The following RALGDS variants were observed in gnomAD, a reference collection of about 807,000 sequenced individuals.
RALGDS encodes ral guanine nucleotide exchange factor.
In RALGDS, 44 loss-of-function variants were observed where a neutral mutation model predicts 99.8. That is an observed-to-expected ratio of 0.44 (90% CI 0.35 to 0.57). The LOEUF is 0.57. Ranked by LOEUF, RALGDS falls within the 20% of genes least tolerant of loss-of-function variation. The probability of loss-of-function intolerance (pLI) is 0.01; values close to 1 mark genes in which losing one functional copy is unlikely to be tolerated. For missense variants in RALGDS, 1,022 were observed against 1,203.1 expected (o/e 0.85, Z 2.23); for synonymous variants, 529 against 505.0 (o/e 1.05, Z -0.64).
At chr9:133,118,834 C>T (rs1831753005) in intron 1 of RALGDS, among the ~76,000 whole-genome samples, 1 of 152,212 alleles carries the variant, frequency 6.6e-6, no homozygotes, top group African/African-American at 2.4e-5. Context: ...GCGGCCCTTG[C>T]TGGCTGCACG....
intron 6 of RALGDS, 139 bp from the exon 7 acceptor site, chr9:133,107,439 G>T: frequency 1.2e-6 from 1 of 805,054 alleles, no homozygotes; most frequent in Non-Finnish European, 2.1e-6. Context: ...GCACACAAGT[G>T]ACCCGGGACA....
intron 5 of RALGDS, 81 bp downstream of exon 5, chr9:133,108,592 G>A (rs1588525922): frequency 6.4e-7 from 1 of 1,552,994 alleles, no homozygotes; most frequent in East Asian, 2.3e-5. Context: ...CCCAGCACCA[G>A]ACCCTGGAGC....
intron 1 of RALGDS, among the ~76,000 whole-genome samples, chr9:133,113,736 G>A (rs1831462192): frequency 6.6e-6 from 1 of 152,188 alleles, no homozygotes; most frequent in Non-Finnish European, 1.5e-5. Context: ...GGCCTCCTCA[G>A]GGGTCCCAGA....
intron 1 of RALGDS, among the ~76,000 whole-genome samples, chr9:133,116,581 C>T (rs1406784673): frequency 2.6e-5 from 4 of 152,338 alleles, no homozygotes; most frequent in Admixed American, 6.5e-5. Context: ...GGGCCAGGCC[C>T]GGGAGGGGCG....
At chr9:133,111,979 G>A (rs573201710) in intron 2 of RALGDS, 63 bp downstream of exon 2, 2 of 1,294,816 alleles carry the variant, frequency 1.5e-6, no homozygotes, top group South Asian at 1.3e-5. Context: ...GGGCCCTCAA[G>A]TGAAAAAGTC....
In RALGDS at chr9:133,120,583, C is replaced by T. The variant is rs867257531; in HGVS notation, c.183+389G>A. Among the ~76,000 whole-genome samples the T allele has an allele frequency of 9.2e-5, 14 of 152,176 alleles. 1 individual carries two copies. Among genetic ancestry groups the T allele is most frequent in the Middle Eastern group, 3.2e-3 (1 of 316 alleles). Reference sequence around the variant, plus strand: ...CCGACCACTTGTTCCACACCTGCATCGTAAAGGCTAACGACGCGCTGCGGG... The same window carrying T: ...CCGACCACTTGTTCCACACCTGCATTGTAAAGGCTAACGACGCGCTGCGGG... On this transcript the variant is annotated intron_variant, in intron 1 of 17. Transcript: ENST00000372050.
In RALGDS at chr9:133,108,058, C is replaced by T. The variant is rs369916121; in HGVS notation, c.1127G>A (p.Ser376Asn). The change falls in exon 6 of 18, where the codon AGT becomes AAT. Residue 376 changes from serine to asparagine, a missense_variant. Around this residue, in one of 3 missense-constraint regions of RALGDS, gnomAD observed 825 missense variants for 994.5 expected, o/e 0.83. Transcript: ENST00000372050. The part of the protein sequence containing the change: ...PSPVVAENGL[S>N]EEKPHLLVFP... ...CACCAAGAGGTGAGGCTTCTCCTCA[C>T]TCAGCCCGTTCTCTGCAACCACAGG... 6 of 1,613,562 alleles carry T rather than the reference C, an allele frequency of 3.7e-6. No homozygotes were observed. The highest frequency in any genetic ancestry group is 4.5e-5 in the East Asian group (2 of 44,908).
At chr9:133,133,440 C>A (rs1277559992), upstream of RALGDS, among the ~76,000 whole-genome samples, 2 of 152,228 alleles carry the variant, frequency 1.3e-5, no homozygotes, top group Admixed American at 6.5e-5. Context: ...GCCTCTGCCG[C>A]CAGCCTGGGG....
intron 1 of RALGDS, among the ~76,000 whole-genome samples, chr9:133,141,759 G>A (rs1012139973): frequency 2.6e-5 from 4 of 152,210 alleles, no homozygotes; most frequent in East Asian, 1.9e-4. Context: ...TGCACTGAAC[G>A]GTAAACACAC....
chr9:133,120,430 C>A (rs1193394058), intron 1 of RALGDS, among the ~76,000 whole-genome samples: 3 of 130,852 alleles, frequency 2.3e-5, no homozygotes, highest in East Asian at 2.6e-4. Flanking sequence ...ATCCCCCGAC[C>A]CCCCCCCCAC....
At chr9:133,109,312 C>T (rs1831225316) in intron 4 of RALGDS, among the ~76,000 whole-genome samples, 1 of 152,210 alleles carries the variant, frequency 6.6e-6, no homozygotes, top group Admixed American at 6.5e-5. Flanking sequence ...AGAGCAGAGG[C>T]TCACCCCACC....
chr9:133,100,213 G>A (rs1186976086), intron 17 of RALGDS, 55 bp downstream of exon 17: 4 of 1,491,352 alleles, frequency 2.7e-6, no homozygotes, highest in Non-Finnish European at 3.7e-6. Flanking sequence ...ACCTGGGGCT[G>A]GGGAGTGGTG....
chr9:133,104,846 G>T (rs994318594), intron 9 of RALGDS, among the ~76,000 whole-genome samples: 1 of 152,068 alleles, frequency 6.6e-6, no homozygotes, highest in African/African-American at 2.4e-5. Context: ...GCCTCGCAGG[G>T]CCTCAGAGAC....
upstream of RALGDS, among the ~76,000 whole-genome samples, chr9:133,123,757 C>T (rs113417426): frequency 2.7e-5 from 2 of 74,030 alleles, no homozygotes; most frequent in East Asian, 3.3e-4. Context: ...GACACAGACA[C>T]ACACACACAC....
intron 11 of RALGDS, 148 bp from the exon 12 acceptor site, chr9:133,103,410 G>C (rs1830856200): frequency 1.0e-6 from 1 of 977,566 alleles, no homozygotes; most frequent in African/African-American, 1.6e-5. Context: ...CCAGGGCAAG[G>C]GGACATGCGG....
At chr9:133,125,208 C>A (rs1832110454), upstream of RALGDS, among the ~76,000 whole-genome samples, 1 of 152,170 alleles carries the variant, frequency 6.6e-6, no homozygotes, top group African/African-American at 2.4e-5. Flanking sequence ...CATTAGACAT[C>A]TTTTTAGGTG....
In RALGDS at chr9:133,144,972, G is replaced by A. The variant is rs1051197000; in HGVS notation, c.18+3991C>T. Among the ~76,000 whole-genome samples, 1 of 152,178 alleles carries A rather than the reference G, an allele frequency of 6.6e-6. No homozygotes were observed. Among genetic ancestry groups the A allele is most frequent in the Admixed American group, 6.5e-5 (1 of 15,274 alleles). Reference sequence around the variant, plus strand: ...CAGACACGCACAGGCGGACAGACACGAACTGATGAAGGCACAGTTTGCAGT... The same window carrying A: ...CAGACACGCACAGGCGGACAGACACAAACTGATGAAGGCACAGTTTGCAGT... On this transcript the variant is annotated intron_variant, in intron 1 of 17. Transcript: ENST00000393160. The surrounding 1 kb of genome is among the most constrained non-coding windows in gnomAD (Gnocchi z 4.5).
intron 15 of RALGDS, 67 bp from the exon 16 acceptor site, chr9:133,101,829 T>TG (rs1271873829): frequency 6.4e-7 from 1 of 1,554,840 alleles, no homozygotes; most frequent in East Asian, 2.4e-5. Context: ...AGCTGCCAGA[T>TG]GGGGAACCTT....
upstream of RALGDS, among the ~76,000 whole-genome samples, chr9:133,136,103 G>C (rs1832421341): frequency 6.6e-6 from 1 of 152,132 alleles, no homozygotes; most frequent in Non-Finnish European, 1.5e-5. Flanking sequence ...ACACCTACTA[G>C]GTGCCGGGCA....
Sources: gnomAD v4.1 joint callset for allele counts (sites outside exome capture counted in the v4.1 genomes callset) on GRCh38, gnomAD v4.1.1 for gene constraint, gnomAD v4.1.1 regional missense constraint, Gnocchi (gnomAD v3.1) non-coding constraint, MANE v1.5 for transcripts, NCBI Gene and HGNC (gene_info 2026-07-23, HGNC 2026-07-21) for gene names.